The following ADAP1 variants were observed in gnomAD, a reference collection of about 807,000 sequenced individuals.
ADAP1 encodes the protein ArfGAP with dual PH domains 1, also known as arf-GAP with dual PH domain-containing protein 1.
A neutral mutation model predicts 54.9 loss-of-function variants in ADAP1; 31 were observed. The ratio of observed to expected loss-of-function variants is 0.56; its 90% confidence interval spans 0.42 to 0.76. The LOEUF (loss-of-function observed/expected upper bound fraction) is 0.76, where lower values mean the gene tolerates loss of function less well. Among genes scored for constraint, ADAP1 ranks in the 30% least tolerant of loss-of-function variants. ADAP1 has a pLI of 0.00. For missense variants in ADAP1, 535 were observed against 512.4 expected, an observed-to-expected ratio of 1.04 and a Z score of -0.42; for synonymous variants, 313 against 202.6, an observed-to-expected ratio of 1.55 and a Z score of -4.63.
At chr7:949,796 C>T (rs62433092) in intron 1 of ADAP1, among the ~76,000 whole-genome samples, 4 of 127,538 alleles carry the variant, frequency 3.1e-5, no homozygotes, top group South Asian at 2.2e-4. Flanking sequence ...CCTCCACACC[C>T]GGCCACAGGG....
intron 4 of ADAP1, among the ~76,000 whole-genome samples, chr7:916,909 C>T (rs376683028): frequency 2.0e-5 from 3 of 152,206 alleles, no homozygotes; most frequent in East Asian, 3.9e-4. Flanking sequence ...AGAAAATCCA[C>T]GGTCCTGACA....
chr7:904,413 T>C, intron 5 of ADAP1, 141 bp from the exon 6 acceptor site: 6 of 1,079,414 alleles, frequency 5.6e-6, no homozygotes. Flanking sequence ...GCTCTGAGCC[T>C]TGGCCTCCCG....
At chr7:909,396 T>A (rs11984227) in intron 4 of ADAP1, among the ~76,000 whole-genome samples, 2,516 of 81,690 alleles carry the variant, frequency 0.031, 207 homozygotes, top group African/African-American at 0.046. Context: ...GGAACCCCGG[T>A]CCTCCCGACA....
chr7:915,227 A>ACGCCTG (rs879895930), intron 4 of ADAP1, among the ~76,000 whole-genome samples: 3,180 of 36,546 alleles, frequency 0.087, 86 homozygotes, highest in East Asian at 0.38. Context: ...CCCTGCACTC[A>ACGCCTG]CACCTGCACA....
At chr7:899,527 C>T (rs377439966) in intron 8 of ADAP1, 37 bp from the exon 9 acceptor site, 135 of 1,598,670 alleles carry the variant, frequency 8.4e-5, no homozygotes, top group African/African-American at 3.3e-4. Context: ...GGCAGGTCGC[C>T]GAGGCAGGCC....
chr7:914,246 T>C (rs2128102159), intron 4 of ADAP1, among the ~76,000 whole-genome samples: 1 of 152,262 alleles, frequency 6.6e-6, no homozygotes, highest in South Asian at 2.1e-4. Flanking sequence ...CTGGCCAACG[T>C]GGGGTTGTGG....
In ADAP1 at chr7:904,225, G is replaced by A. The variant is rs981816395; in HGVS notation, c.549C>T (p.Thr183=). 53 of 1,610,570 alleles carry A rather than the reference G, an allele frequency of 3.3e-5. No individual in the cohort carries two copies. Among genetic ancestry groups the A allele is most frequent in the Non-Finnish European group, 4.0e-5 (47 of 1,178,836 alleles). ...AVMKIEHLNA[T]FQPAKIGHPH... ...GGTGGCCGATCTTGGCCGGCTGGAA[G>A]GTGGCGTTCAGGTGCTCGATCTTCA... The change falls in exon 6 of 11, where the codon ACC becomes ACT. Residue 183 remains threonine (T), a synonymous_variant. Coordinates refer to ENST00000265846, the MANE Select transcript of ADAP1 (RefSeq NM_006869.4).
intron 4 of ADAP1, among the ~76,000 whole-genome samples, chr7:908,166 G>A (rs1007047571): frequency 6.6e-6 from 1 of 152,154 alleles, no homozygotes; most frequent in Non-Finnish European, 1.5e-5. Context: ...TGGGCTCCAG[G>A]CGGGGCTAAA....
At chr7:918,483 A>G (rs929187742) in intron 4 of ADAP1, among the ~76,000 whole-genome samples, 1 of 152,144 alleles carries the variant, frequency 6.6e-6, no homozygotes, top group African/African-American at 2.4e-5. Flanking sequence ...CTAGGATTAC[A>G]GGCCTGAGAC....
In ADAP1 at chr7:938,607, C is replaced by G. The variant is rs765046874; in HGVS notation, c.83-3102G>C. Among the ~76,000 whole-genome samples the G allele has an allele frequency of 3.9e-5, 6 of 152,160 alleles. No homozygotes were observed. The highest frequency in any genetic ancestry group is 8.8e-5 in the Non-Finnish European group (6 of 68,034). ...CTCCCGAAGCCTTGGTGAAAGATGC[C>G]GCAAATGCTCGGTACGTGGCTGTGC... On this transcript the variant is annotated intron_variant, in intron 1 of 10. Transcript: ENST00000265846. The surrounding 1 kb of genome is among the most constrained non-coding windows in gnomAD (Gnocchi z 4.4).
At chr7:900,031 G>T in intron 8 of ADAP1, 71 bp downstream of exon 8, 1 of 1,561,962 alleles carries the variant, frequency 6.4e-7, no homozygotes, top group Non-Finnish European at 8.8e-7. Flanking sequence ...TGGCAAGGCT[G>T]CTGCACTTCA....
chr7:899,536 C>T, intron 8 of ADAP1, 46 bp from the exon 9 acceptor site: 1 of 1,590,482 alleles, frequency 6.3e-7, no homozygotes. Flanking sequence ...CCGAGGCAGG[C>T]CCTACATCCA....
At chr7:904,410 G>C in intron 5 of ADAP1, 138 bp from the exon 6 acceptor site, 1 of 1,115,158 alleles carries the variant, frequency 9.0e-7, no homozygotes. Flanking sequence ...AGCGCTCTGA[G>C]CCTTGGCCTC....
chr7:906,716 TCGG>T (rs1562915401), intron 4 of ADAP1, among the ~76,000 whole-genome samples: 432 of 20,330 alleles, frequency 0.021, 34 homozygotes, highest in African/African-American at 0.096. Flanking sequence ...GGACGGGACA[TCGG>T]GGACGGGACA....
At chr7:939,687 C>T (rs545543281) in intron 1 of ADAP1, among the ~76,000 whole-genome samples, 8 of 151,592 alleles carry the variant, frequency 5.3e-5, no homozygotes, top group South Asian at 4.2e-4. Flanking sequence ...AAAAATTAGC[C>T]GGGCGTGGTG....
chr7:900,010 C>G (rs1844708843), intron 8 of ADAP1, 92 bp downstream of exon 8: 7 of 1,476,732 alleles, frequency 4.7e-6, no homozygotes, highest in Non-Finnish European at 5.6e-6. Flanking sequence ...GTTTAAAACA[C>G]AGGCGGCAGC....
intron 6 of ADAP1, among the ~76,000 whole-genome samples, chr7:901,816 C>T (rs1844832549): frequency 6.6e-6 from 1 of 151,766 alleles, no homozygotes; most frequent in Admixed American, 6.6e-5. Flanking sequence ...CCCGCCCTCC[C>T]TCCTCCTAGA....
At chr7:943,189 AGAGGAGGAGGAAGGGAGT>A (rs1847019863) in intron 1 of ADAP1, among the ~76,000 whole-genome samples, 4 of 64,882 alleles carry the variant, frequency 6.2e-5, no homozygotes, top group Non-Finnish European at 1.3e-4. Flanking sequence ...AGGAAGGGAG[AGAGGAGGAGGAAGGGAGT>A]GAGGAGGAGG....
chr7:934,756 G>A (rs375554148), intron 2 of ADAP1, among the ~76,000 whole-genome samples: 3 of 152,100 alleles, frequency 2.0e-5, no homozygotes, highest in East Asian at 1.9e-4. Context: ...GCTCACACCC[G>A]TCTCCCTCCC....
Sources: allele counts gnomAD v4.1 joint callset (sites outside exome capture counted in the v4.1 genomes callset), GRCh38; gene constraint gnomAD v4.1.1; non-coding constraint Gnocchi (gnomAD v3.1); transcripts MANE v1.5; gene names NCBI Gene and HGNC (gene_info 2026-07-23, HGNC 2026-07-21).